The following IQGAP1 variants were observed in gnomAD, a reference collection of about 807,000 sequenced individuals.
IQGAP1 encodes ras GTPase-activating-like protein IQGAP1.
IQGAP1 carries 66 observed loss-of-function variants against 215.6 expected under a neutral mutation model. That is an observed-to-expected ratio of 0.31 (90% CI 0.25 to 0.38). The LOEUF is 0.38. IQGAP1 is among the 10% of genes least tolerant of loss of function. The pLI is 1.00. For synonymous variants in IQGAP1, 772 were observed against 728.7 expected (o/e 1.06, Z -0.96); for missense variants, 1,712 against 1,997.1 (o/e 0.86, Z 2.72).
chr15:90,410,412 G>T (rs1401640571), intron 2 of IQGAP1, among the ~76,000 whole-genome samples: 1 of 152,114 alleles, frequency 6.6e-6, no homozygotes, highest in Non-Finnish European at 1.5e-5. Flanking sequence ...CACTATTCAT[G>T]ATAGCAAACA....
chr15:90,441,105 C>G (rs1276519288), intron 7 of IQGAP1, among the ~76,000 whole-genome samples: 1 of 121,948 alleles, frequency 8.2e-6, no homozygotes, highest in East Asian at 2.3e-4. Context: ...GAAACTCTGT[C>G]TCAAAAAAAA....
Position 90,482,231 on chromosome 15 carries a change from G to A in IQGAP1, c.3505G>A (p.Asp1169Asn). Reference protein sequence around the residue: ...GMRFIAKVLKDSLHEKFPDAG... With the variant: ...GMRFIAKVLKNSLHEKFPDAG... ...GCGCTTCATTGCCAAAGTGCTGAAG[G>A]ACTCGTTGCATGAGAAGTTCCCTGA... Residue 1169 changes from aspartate to asparagine, a missense_variant, in exon 28 of 38, where the codon GAC (aspartate) becomes AAC (asparagine). By Grantham distance (23) the Asp-to-Asn change is conservative (BLOSUM62 1). This residue lies in a region of IQGAP1 where 691 missense variants were observed against 923.0 expected (regional missense o/e 0.75). Transcript: ENST00000268182. 4.3e-6 allele frequency: 7 copies of A among 1,614,192 alleles called. No homozygotes were observed. The highest frequency in any genetic ancestry group is 5.9e-6 in the Non-Finnish European group (7 of 1,180,028).
intron 2 of IQGAP1, among the ~76,000 whole-genome samples, chr15:90,420,271 G>T (rs1246415345): frequency 6.6e-6 from 1 of 152,094 alleles, no homozygotes; most frequent in Non-Finnish European, 1.5e-5. Flanking sequence ...ACAAATGAAA[G>T]AACTGGTCAA....
chr15:90,485,349 G>A (rs1394966853), intron 30 of IQGAP1, among the ~76,000 whole-genome samples: 2 of 152,168 alleles, frequency 1.3e-5, no homozygotes, highest in Non-Finnish European at 2.9e-5. Context: ...AAGCGTGCAC[G>A]TGACTTATTT....
chr15:90,402,308 A>T (rs1343828019), intron 2 of IQGAP1, among the ~76,000 whole-genome samples: 1 of 152,190 alleles, frequency 6.6e-6, no homozygotes, highest in Non-Finnish European at 1.5e-5. Context: ...TTAAAGAGTT[A>T]CCTCATACAG....
At chr15:90,438,744 A>G (rs1965406803) in intron 5 of IQGAP1, among the ~76,000 whole-genome samples, 1 of 148,196 alleles carries the variant, frequency 6.7e-6, no homozygotes, top group East Asian at 2.0e-4. Context: ...TTTTTTTTTG[A>G]AACGGAATCT....
intron 5 of IQGAP1, among the ~76,000 whole-genome samples, chr15:90,434,711 G>C (rs1290225445): frequency 6.6e-6 from 1 of 152,170 alleles, no homozygotes; most frequent in Non-Finnish European, 1.5e-5. Context: ...GGATTTTGAA[G>C]TATTTGCATT....
chr15:90,444,284 TATATA>T (rs369970986), intron 9 of IQGAP1, among the ~76,000 whole-genome samples: 2,880 of 109,800 alleles, frequency 0.026, 110 homozygotes, highest in African/African-American at 0.11. Context: ...TGTGTGTATA[TATATA>T]TTTTTTTTTT....
chr15:90,472,477 G>A (rs1284014517), intron 18 of IQGAP1, among the ~76,000 whole-genome samples: 3 of 152,006 alleles, frequency 2.0e-5, no homozygotes, highest in Non-Finnish European at 4.4e-5. Flanking sequence ...GGGGTCCCTC[G>A]GTACGTGGCA....
chr15:90,395,524 G>C (rs566157720), intron 2 of IQGAP1, among the ~76,000 whole-genome samples: 1 of 152,222 alleles, frequency 6.6e-6, no homozygotes, highest in East Asian at 1.9e-4. Context: ...GTTTCACCGT[G>C]TTAGCCAGGA....
intron 9 of IQGAP1, among the ~76,000 whole-genome samples, chr15:90,445,549 G>A (rs1281720069): frequency 6.6e-6 from 1 of 151,948 alleles, no homozygotes; most frequent in Non-Finnish European, 1.5e-5. Flanking sequence ...TGACATCTTT[G>A]TAAACTCCTT....
At chr15:90,453,047 C>G in intron 12 of IQGAP1, 85 bp from the exon 13 acceptor site, 1 of 1,553,660 alleles carries the variant, frequency 6.4e-7, no homozygotes, top group Non-Finnish European at 8.7e-7. Flanking sequence ...ACTTGGTTTT[C>G]TTACAGTTTT....
chr15:90,472,568 G>A (rs1965920940), intron 18 of IQGAP1, among the ~76,000 whole-genome samples: 1 of 152,120 alleles, frequency 6.6e-6, no homozygotes, highest in Admixed American at 6.6e-5. Context: ...AGCCTAGTCA[G>A]TGTTGGATAG....
chr15:90,484,021 A>G (rs1966092767), intron 29 of IQGAP1, among the ~76,000 whole-genome samples, 199 bp from the exon 30 acceptor site: 1 of 152,202 alleles, frequency 6.6e-6, no homozygotes, highest in Non-Finnish European at 1.5e-5. Flanking sequence ...AACTAAAACT[A>G]CAAACTAGGT....
chr15:90,412,276 A>G (rs569905721), intron 2 of IQGAP1, among the ~76,000 whole-genome samples: 23 of 152,178 alleles, frequency 1.5e-4, no homozygotes, highest in Non-Finnish European at 2.8e-4. Flanking sequence ...TAAAACAGAT[A>G]CTATCAAGAT....
chr15:90,429,498 A>G, intron 3 of IQGAP1, 91 bp from the exon 4 acceptor site: 2 of 976,214 alleles, frequency 2.0e-6, no homozygotes, highest in Non-Finnish European at 3.0e-6. Context: ...AAATTTGTCA[A>G]ATCTCTTGAG....
intron 35 of IQGAP1, among the ~76,000 whole-genome samples, chr15:90,493,016 G>A (rs1306573697): frequency 6.6e-6 from 1 of 152,156 alleles, no homozygotes; most frequent in African/African-American, 2.4e-5. Context: ...GCCGAGGCGG[G>A]TGTGTCACTT....
intron 1 of IQGAP1, among the ~76,000 whole-genome samples, chr15:90,388,609 G>A (rs1051099853): frequency 1.3e-5 from 2 of 152,118 alleles, no homozygotes; most frequent in African/African-American, 4.8e-5. Flanking sequence ...GGACCCCCGA[G>A]GCCTCCCGCC....
At chr15:90,483,300 A>G (rs1966083903) in intron 28 of IQGAP1, 61 bp from the exon 29 acceptor site, 5 of 1,293,912 alleles carry the variant, frequency 3.9e-6, no homozygotes, top group Non-Finnish European at 5.6e-6. Context: ...TAGCAAAGTC[A>G]TTTATAGCTT....
Sources: allele counts gnomAD v4.1 joint callset (sites outside exome capture counted in the v4.1 genomes callset), GRCh38; gene constraint gnomAD v4.1.1; regional missense constraint gnomAD v4.1.1; transcripts MANE v1.5; gene names NCBI Gene and HGNC (gene_info 2026-07-23, HGNC 2026-07-21).